STARD13: variants seen among roughly 807,000 people sequenced by gnomAD.
STARD13 encodes StAR related lipid transfer domain containing 13.
STARD13 carries 62 observed loss-of-function variants against 106.4 expected under a neutral mutation model. The observed-to-expected ratio is 0.58, with a 90% CI of 0.48 to 0.72. The LOEUF (loss-of-function observed/expected upper bound fraction) is 0.72. STARD13 is among the 30% of genes least tolerant of loss of function. The probability of loss-of-function intolerance (pLI) is 0.00; values close to 1 mark genes in which losing one functional copy is unlikely to be tolerated. For synonymous variants in STARD13, 565 were observed against 553.0 expected (o/e 1.02, Z -0.31); for missense variants, 1,387 against 1,424.0 (o/e 0.97, Z 0.42).
At chr13:33,153,115 G>T (rs142342866) in intron 3 of STARD13, among the ~76,000 whole-genome samples, 194 of 152,296 alleles carry the variant, frequency 1.3e-3, no homozygotes, top group African/African-American at 4.6e-3. Context: ...ACATGAAGAT[G>T]CCATCAAGTA....
exon 1 of STARD13, chr13:33,350,479 G>A: frequency 3.4e-6 from 5 of 1,481,250 alleles, no homozygotes; most frequent in African/African-American, 1.4e-5. Context: ...CCGCGACTCA[G>A]ACTCCCGGCG....
intron 1 of STARD13, among the ~76,000 whole-genome samples, chr13:33,272,169 T>C (rs969183144): frequency 3.9e-5 from 6 of 152,142 alleles, no homozygotes; most frequent in South Asian, 2.1e-4. Context: ...TAGCTACAGG[T>C]TTAGTAACCC....
At chr13:33,614,270 CGTGTGTGT>C in the STARD13 span, among the ~76,000 whole-genome samples, 9 of 145,154 alleles carry the variant, frequency 6.2e-5, no homozygotes, top group East Asian at 2.0e-4. Flanking sequence ...ATACATTCTC[CGTGTGTGT>C]GTGTGTGTGT....
chr13:33,206,926 G>C (rs966900008), intron 1 of STARD13, among the ~76,000 whole-genome samples: 1 of 152,114 alleles, frequency 6.6e-6, no homozygotes, highest in Admixed American at 6.5e-5. Context: ...TTTATTTCTC[G>C]GCAGTGTCCT....
At chr13:33,280,895 G>C (rs1387264059) in intron 1 of STARD13, 1 of 152,262 alleles carries the variant, frequency 6.6e-6, no homozygotes, top group East Asian at 1.9e-4. Flanking sequence ...ACTTCTCTCA[G>C]ATCACACAAT....
the STARD13 span, among the ~76,000 whole-genome samples, chr13:33,633,114 G>A: frequency 2.6e-5 from 4 of 152,130 alleles, no homozygotes; most frequent in Non-Finnish European, 5.9e-5. Flanking sequence ...AAAAGTGCTT[G>A]ATAATATTGG....
chr13:33,386,828 A>G, the STARD13 span, among the ~76,000 whole-genome samples: 1 of 151,774 alleles, frequency 6.6e-6, no homozygotes, highest in Non-Finnish European at 1.5e-5. Flanking sequence ...CAGCATATTG[A>G]CTGCTCCACC....
At chr13:33,331,926 T>G (rs150048272) in intron 1 of STARD13, among the ~76,000 whole-genome samples, 1 of 152,202 alleles carries the variant, frequency 6.6e-6, no homozygotes, top group Non-Finnish European at 1.5e-5. Context: ...AAGTATTTTT[T>G]GTATAATTGA....
the STARD13 span, among the ~76,000 whole-genome samples, chr13:33,631,036 A>T: frequency 1.3e-5 from 2 of 152,182 alleles, no homozygotes; most frequent in Non-Finnish European, 2.9e-5. Flanking sequence ...TGTAAATTAG[A>T]TCCCATGTTC....
the STARD13 span, among the ~76,000 whole-genome samples, chr13:33,530,952 T>C: frequency 1.3e-5 from 2 of 152,210 alleles, no homozygotes; most frequent in Non-Finnish European, 2.9e-5. Context: ...TGGTTCCCTA[T>C]TGATATGGTT....
intron 1 of STARD13, among the ~76,000 whole-genome samples, chr13:33,215,222 G>A (rs1190309020): frequency 6.6e-6 from 1 of 151,954 alleles, no homozygotes; most frequent in Non-Finnish European, 1.5e-5. Context: ...CAAGACCTGA[G>A]GTTTCATCTG....
chr13:33,601,595 T>A, the STARD13 span, among the ~76,000 whole-genome samples: 3 of 151,912 alleles, frequency 2.0e-5, no homozygotes, highest in Non-Finnish European at 4.4e-5. Context: ...AGCCTTGACC[T>A]AATCTAACAC....
At chr13:33,333,118 G>A (rs1358056802) in intron 1 of STARD13, among the ~76,000 whole-genome samples, 6 of 152,102 alleles carry the variant, frequency 3.9e-5, no homozygotes, top group African/African-American at 9.7e-5. Context: ...GGCTGGGTAC[G>A]GTGGCTCAAG....
chr13:33,531,069 C>T, the STARD13 span, among the ~76,000 whole-genome samples: 1 of 152,092 alleles, frequency 6.6e-6, no homozygotes, highest in African/African-American at 2.4e-5. Context: ...GCAGGTCTTT[C>T]CTGTGCTATT....
chr13:33,390,999 T>C, the STARD13 span, among the ~76,000 whole-genome samples: 1 of 152,180 alleles, frequency 6.6e-6, no homozygotes, highest in African/African-American at 2.4e-5. Flanking sequence ...ATTCAGCTGG[T>C]TGCTTCTTAA....
At chr13:33,428,798 C>T in the STARD13 span, among the ~76,000 whole-genome samples, 1 of 152,056 alleles carries the variant, frequency 6.6e-6, no homozygotes, top group Non-Finnish European at 1.5e-5. Flanking sequence ...TTATTAGGAG[C>T]TTTTTAGGAG....
At chr13:33,547,336 A>G in the STARD13 span, among the ~76,000 whole-genome samples, 5 of 152,202 alleles carry the variant, frequency 3.3e-5, no homozygotes, top group Non-Finnish European at 7.4e-5. Flanking sequence ...AGTTTCAGTA[A>G]CGTTTCCCCA....
intron 7 of STARD13, among the ~76,000 whole-genome samples, chr13:33,123,178 G>A (rs1424143867): frequency 3.3e-5 from 5 of 152,046 alleles, no homozygotes; most frequent in Non-Finnish European, 7.4e-5. Context: ...AGCGGGGGCA[G>A]GGACACTTGT....
the STARD13 span, among the ~76,000 whole-genome samples, chr13:33,365,868 C>A: frequency 6.6e-6 from 1 of 151,992 alleles, no homozygotes; most frequent in Admixed American, 6.6e-5. Flanking sequence ...CTCACAAATC[C>A]CTTTCTGTTC....
Sources: gnomAD v4.1 joint callset for allele counts (sites outside exome capture counted in the v4.1 genomes callset) on GRCh38, gnomAD v4.1.1 for gene constraint, MANE v1.5 for transcripts, NCBI Gene and HGNC (gene_info 2026-07-23, HGNC 2026-07-21) for gene names.